Variants in TENM3 observed in about 807,000 individuals in gnomAD.
TENM3 encodes teneurin transmembrane protein 3, also known as teneurin-3.
In TENM3, 63 loss-of-function variants were observed where a neutral mutation model predicts 255.1. That is an observed-to-expected ratio of 0.25 (90% CI 0.20 to 0.30). The LOEUF is 0.30. Among genes scored for constraint, TENM3 ranks in the 10% least tolerant of loss-of-function variants. The probability of loss-of-function intolerance (pLI) is 1.00; values close to 1 mark genes in which losing one functional copy is unlikely to be tolerated. For synonymous variants in TENM3, 1,306 were observed against 1,322.3 expected (o/e 0.99, Z 0.27); for missense variants, 2,929 against 3,461.1 (o/e 0.85, Z 3.86).
the TENM3 span, among the ~76,000 whole-genome samples, chr4:181,985,532 G>A: frequency 2.0e-5 from 3 of 152,088 alleles, no homozygotes; most frequent in Non-Finnish European, 4.4e-5. Context: ...AGCCAGCAGA[G>A]AATCTGATGA....
intron 3 of TENM3, among the ~76,000 whole-genome samples, chr4:182,537,467 A>G (rs763532606): frequency 2.6e-5 from 4 of 152,160 alleles, no homozygotes; most frequent in Non-Finnish European, 2.9e-5. Context: ...TTCGTGCTCC[A>G]TTACTCCCTA....
At chr4:181,922,896 A>G in the TENM3 span, among the ~76,000 whole-genome samples, 2 of 151,908 alleles carry the variant, frequency 1.3e-5, no homozygotes, top group Non-Finnish European at 2.9e-5. Context: ...CCCTCTACAC[A>G]CTGCTTTGAA....
the TENM3 span, among the ~76,000 whole-genome samples, chr4:181,931,338 T>C: frequency 6.6e-6 from 1 of 152,128 alleles, no homozygotes; most frequent in Non-Finnish European, 1.5e-5. Context: ...AAAATCAATA[T>C]GCAAAAATCA....
At chr4:181,898,160 G>T in the TENM3 span, among the ~76,000 whole-genome samples, 1 of 152,042 alleles carries the variant, frequency 6.6e-6, no homozygotes, top group Non-Finnish European at 1.5e-5. Flanking sequence ...AAATGGAAAA[G>T]GATCAGTTCA....
intron 24 of TENM3, among the ~76,000 whole-genome samples, chr4:182,785,936 C>G (rs34322510): frequency 0.097 from 14,808 of 151,988 alleles, 956 homozygotes; most frequent in Admixed American, 0.16. Flanking sequence ...CATGAGAGCT[C>G]TTAGTATCTT....
the TENM3 span, among the ~76,000 whole-genome samples, chr4:181,751,378 T>A: frequency 6.9e-6 from 1 of 144,482 alleles, no homozygotes; most frequent in Admixed American, 7.0e-5. Context: ...GAATCGTTTT[T>A]AAAATTGAAT....
chr4:182,612,955 T>C (rs1749153760), intron 4 of TENM3, among the ~76,000 whole-genome samples: 1 of 152,224 alleles, frequency 6.6e-6, no homozygotes, highest in South Asian at 2.1e-4. Context: ...TAGAATGCCA[T>C]GAACAACTCT....
At chr4:182,773,404 TTATA>T in intron 22 of TENM3, 64 bp from the exon 23 acceptor site, 2 of 1,390,816 alleles carry the variant, frequency 1.4e-6, no homozygotes, top group Non-Finnish European at 2.0e-6. Flanking sequence ...TTGCTACACA[TTATA>T]TTTATAAGTC....
At chr4:182,437,498 A>C (rs972332263) in intron 3 of TENM3, among the ~76,000 whole-genome samples, 1 of 152,028 alleles carries the variant, frequency 6.6e-6, no homozygotes, top group African/African-American at 2.4e-5. Context: ...AAAATACAAA[A>C]AAAATAGCTG....
the TENM3 span, among the ~76,000 whole-genome samples, chr4:181,777,320 A>C: frequency 6.6e-6 from 1 of 152,064 alleles, no homozygotes; most frequent in African/African-American, 2.4e-5. Context: ...TAGCATTATA[A>C]CAAATTTTGA....
intron 5 of TENM3, among the ~76,000 whole-genome samples, chr4:182,639,066 A>G (rs1752082915): frequency 2.6e-5 from 4 of 152,206 alleles, no homozygotes; most frequent in Admixed American, 2.0e-4. Flanking sequence ...ATCAAAGTCA[A>G]TTTCATTAAA....
intron 3 of TENM3, among the ~76,000 whole-genome samples, chr4:182,467,215 A>G (rs1271557452): frequency 6.6e-6 from 1 of 152,212 alleles, no homozygotes; most frequent in Non-Finnish European, 1.5e-5. Flanking sequence ...GTCATTAGTT[A>G]TAATAAACTT....
Position 182,731,135 on chromosome 4 carries a change from C to T in TENM3, c.2963C>T (p.Thr988Ile). ...GAAGACAGTCCCATCATTCCCGAAA[C>T]ACAGGTAAAATATTCTCACAGGCAG... Reference protein sequence around the residue: ...SPEDSPIIPETQVLHEETTIP... With the variant: ...SPEDSPIIPEIQVLHEETTIP... The change falls in exon 16 of 28, where the codon ACA (threonine) becomes ATA (isoleucine). Residue 988 changes from threonine (T) to isoleucine (I), a missense_variant. Physicochemically the swap from Thr to Ile is moderately conservative, Grantham distance 89. Around this residue, in one of 6 missense-constraint regions of TENM3, gnomAD observed 1,608 missense variants for 1,884.4 expected, o/e 0.85. Transcript: ENST00000511685. The T allele has an allele frequency of 1.2e-6, 2 of 1,613,046 alleles. No individual in the cohort carries two copies. Among genetic ancestry groups the T allele is most frequent in the Admixed American group, 1.7e-5 (1 of 60,010 alleles).
At chr4:182,142,653 G>A (rs1337544514), upstream of TENM3, 24 of 167,310 alleles carry the variant, frequency 1.4e-4, no homozygotes, top group Non-Finnish European at 1.5e-5. Context: ...CGACGAGGCT[G>A]AGAGCGCACC....
At chr4:181,817,732 C>A in the TENM3 span, among the ~76,000 whole-genome samples, 3 of 152,148 alleles carry the variant, frequency 2.0e-5, no homozygotes, top group South Asian at 4.1e-4. Context: ...GAGGATGCAA[C>A]CTTCAAGGTG....
chr4:181,506,773 G>A, the TENM3 span, among the ~76,000 whole-genome samples: 1 of 151,892 alleles, frequency 6.6e-6, no homozygotes, highest in Non-Finnish European at 1.5e-5. Flanking sequence ...GAGAGGGATA[G>A]CCTTTACATC....
At chr4:182,247,804 A>G in intron 1 of TENM3, among the ~76,000 whole-genome samples, 1 of 152,200 alleles carries the variant, frequency 6.6e-6, no homozygotes, top group Admixed American at 6.5e-5. Context: ...AATACTTAAC[A>G]AAATTTTATT....
chr4:182,754,838 G>C lies in TENM3; in HGVS notation c.4471G>C (p.Gly1491Arg). The C allele has an allele frequency of 6.2e-7, 1 of 1,614,044 alleles. No individual in the cohort carries two copies. The highest frequency in any genetic ancestry group is 8.5e-7 in the Non-Finnish European group (1 of 1,179,896). Residue 1491 changes from glycine to arginine, a missense_variant, in exon 22 of 28, where the codon GGG (glycine) becomes CGG (arginine). Transcript: ENST00000511685. The surrounding 1 kb of genome is among the most constrained non-coding windows in gnomAD (Gnocchi z 5.1). The part of the protein sequence containing the change: ...PDGTLYIADL[G>R]NIRIRAVSKN... ...TGGTACACTGTATATTGCAGATCTAGGGAATATCCGGATCCGGGCTGTGTC... is the reference window on the plus strand; with the variant it reads ...TGGTACACTGTATATTGCAGATCTACGGAATATCCGGATCCGGGCTGTGTC...
the TENM3 span, among the ~76,000 whole-genome samples, chr4:181,750,126 G>A: frequency 6.6e-6 from 1 of 152,164 alleles, no homozygotes; most frequent in Admixed American, 6.5e-5. Flanking sequence ...TTTATTGGAC[G>A]TGAAAAGTAA....
Sources: allele counts gnomAD v4.1 joint callset (sites outside exome capture counted in the v4.1 genomes callset), GRCh38; gene constraint gnomAD v4.1.1; regional missense constraint gnomAD v4.1.1; non-coding constraint Gnocchi (gnomAD v3.1); transcripts MANE v1.5; gene names NCBI Gene and HGNC (gene_info 2026-07-23, HGNC 2026-07-21).